ENTREP2: variants seen among roughly 807,000 people sequenced by gnomAD.
ENTREP2 encodes the protein protein ENTREP2.
At chr15:29,552,206 T>A in the ENTREP2 span, among the ~76,000 whole-genome samples, 6 of 152,078 alleles carry the variant, frequency 3.9e-5, no homozygotes, top group Non-Finnish European at 7.4e-5. Context: ...AAAGTGAAAA[T>A]GTAGCCAACA....
At chr15:29,166,208 C>CA in the ENTREP2 span, among the ~76,000 whole-genome samples, 3 of 152,098 alleles carry the variant, frequency 2.0e-5, no homozygotes, top group African/African-American at 7.2e-5. Flanking sequence ...AAACCACAGG[C>CA]AACATAATAC....
the ENTREP2 span, among the ~76,000 whole-genome samples, chr15:29,571,243 G>A: frequency 6.6e-6 from 1 of 152,130 alleles, no homozygotes; most frequent in East Asian, 1.9e-4. Flanking sequence ...AGCGGGGGCG[G>A]CAGCGCATCA....
At chr15:29,257,315 C>T in the ENTREP2 span, among the ~76,000 whole-genome samples, 58 of 152,248 alleles carry the variant, frequency 3.8e-4, no homozygotes, top group South Asian at 0.012. Flanking sequence ...TCAGGTGGTC[C>T]ACCCGCCTCG....
At chr15:29,388,613 T>C in the ENTREP2 span, among the ~76,000 whole-genome samples, 2 of 152,344 alleles carry the variant, frequency 1.3e-5, no homozygotes, top group African/African-American at 2.4e-5. Context: ...ATCCCATTAC[T>C]GGGTATATAC....
the ENTREP2 span, among the ~76,000 whole-genome samples, chr15:29,526,363 C>T: frequency 6.6e-6 from 1 of 152,094 alleles, no homozygotes; most frequent in African/African-American, 2.4e-5. Context: ...CTCTGACTCT[C>T]CACATCATTC....
the ENTREP2 span, among the ~76,000 whole-genome samples, chr15:29,481,662 C>A: frequency 1.2e-3 from 186 of 152,138 alleles, no homozygotes; most frequent in Non-Finnish European, 2.3e-3. Flanking sequence ...TGGCTAAGTG[C>A]ACTCTGGGGG....
chr15:29,126,374 C>T, the ENTREP2 span: 1 of 1,544,254 alleles, frequency 6.5e-7, no homozygotes, highest in South Asian at 1.2e-5. Context: ...AGACACATGG[C>T]CAGGGGGAAG....
At chr15:29,322,053 A>G in the ENTREP2 span, among the ~76,000 whole-genome samples, 1 of 152,328 alleles carries the variant, frequency 6.6e-6, no homozygotes, top group East Asian at 1.9e-4. Flanking sequence ...ACTCAGATCT[A>G]CACAAGGAAA....
At chr15:29,486,750 T>C in the ENTREP2 span, among the ~76,000 whole-genome samples, 2 of 152,176 alleles carry the variant, frequency 1.3e-5, no homozygotes, top group South Asian at 4.1e-4. Flanking sequence ...CAGATCAGCC[T>C]GAAGGATATT....
chr15:29,410,228 C>T, the ENTREP2 span, among the ~76,000 whole-genome samples: 246 of 152,312 alleles, frequency 1.6e-3, 1 homozygote, highest in African/African-American at 5.7e-3. Context: ...CTCTCTGAAA[C>T]TTTTCTGGCA....
chr15:29,158,464 G>A, the ENTREP2 span, among the ~76,000 whole-genome samples: 1 of 148,090 alleles, frequency 6.8e-6, no homozygotes, highest in African/African-American at 2.5e-5. Flanking sequence ...GGAGTGCAGT[G>A]GCGTGATCTC....
chr15:29,158,849 G>C, the ENTREP2 span, among the ~76,000 whole-genome samples: 1 of 151,790 alleles, frequency 6.6e-6, no homozygotes, highest in African/African-American at 2.4e-5. Context: ...ATGATGTATA[G>C]AACAAAAACA....
At chr15:29,138,309 CT>C in the ENTREP2 span, among the ~76,000 whole-genome samples, 5 of 152,284 alleles carry the variant, frequency 3.3e-5, no homozygotes, top group South Asian at 6.2e-4. Flanking sequence ...TTCTGAAGGA[CT>C]AACCAACAAC....
the ENTREP2 span, among the ~76,000 whole-genome samples, chr15:29,364,869 C>T: frequency 6.6e-6 from 1 of 152,256 alleles, no homozygotes; most frequent in East Asian, 1.9e-4. Flanking sequence ...TACCACCAGC[C>T]GCCAGCAGAG....
the ENTREP2 span, among the ~76,000 whole-genome samples, chr15:29,317,819 G>C: frequency 6.6e-6 from 1 of 152,084 alleles, no homozygotes; most frequent in South Asian, 2.1e-4. Context: ...ATCCGACCCG[G>C]GTGGGATGAA....
At chr15:29,248,620 A>C in the ENTREP2 span, among the ~76,000 whole-genome samples, 2 of 152,208 alleles carry the variant, frequency 1.3e-5, no homozygotes, top group Non-Finnish European at 2.9e-5. Context: ...AATACATATA[A>C]GCTTATGTAT....
chr15:29,493,424 C>T, the ENTREP2 span, among the ~76,000 whole-genome samples: 531 of 151,912 alleles, frequency 3.5e-3, 4 homozygotes, highest in Admixed American at 0.013. Context: ...TGAGCCACCG[C>T]GCCCGGCCGA....
chr15:29,431,777 T>C, the ENTREP2 span, among the ~76,000 whole-genome samples: 2 of 152,112 alleles, frequency 1.3e-5, no homozygotes, highest in Admixed American at 1.3e-4. Context: ...AAAATTTAAA[T>C]AACAGTTTTT....
the ENTREP2 span, among the ~76,000 whole-genome samples, chr15:29,347,052 C>T: frequency 6.6e-6 from 1 of 152,214 alleles, no homozygotes; most frequent in African/African-American, 2.4e-5. Context: ...TCAGAACCGC[C>T]TCATACACAC....
Sources: gnomAD v4.1 joint callset for allele counts (sites outside exome capture counted in the v4.1 genomes callset) on GRCh38, gnomAD v4.1.1 for gene constraint, MANE v1.5 for transcripts, NCBI Gene and HGNC (gene_info 2026-07-23, HGNC 2026-07-21) for gene names.